The following RINT1 variants were observed in gnomAD, a reference collection of about 807,000 sequenced individuals.
RINT1 encodes the protein RAD50 interactor 1, also known as RAD50-interacting protein 1.
In RINT1, 75 loss-of-function variants were observed where a neutral mutation model predicts 97.7. That is an observed-to-expected ratio of 0.77 (90% CI 0.64 to 0.93). The LOEUF (loss-of-function observed/expected upper bound fraction) is 0.93. RINT1 is among the 40% of genes least tolerant of loss of function. RINT1 has a pLI of 0.00. For missense variants in RINT1, 892 were observed against 925.2 expected (o/e 0.96, Z 0.47); for synonymous variants, 303 against 326.3 (o/e 0.93, Z 0.77).
chr7:105,549,888 A>T (rs1033195249), intron 7 of RINT1, among the ~76,000 whole-genome samples, 167 bp from the exon 8 acceptor site: 1 of 152,208 alleles, frequency 6.6e-6, no homozygotes, highest in Non-Finnish European at 1.5e-5. Flanking sequence ...TTTGATTATT[A>T]AGCCTTGCAG....
At chr7:105,560,944 C>T (rs531602411) in intron 11 of RINT1, among the ~76,000 whole-genome samples, 1 of 152,106 alleles carries the variant, frequency 6.6e-6, no homozygotes, top group Admixed American at 6.5e-5. Context: ...TGATCTCGAA[C>T]CTCAGACCTC....
intron 11 of RINT1, among the ~76,000 whole-genome samples, chr7:105,555,952 T>C (rs1791159484): frequency 6.6e-6 from 1 of 152,208 alleles, no homozygotes; most frequent in South Asian, 2.1e-4. Context: ...AGTGAGACCC[T>C]GTCTCTACAA....
At chr7:105,534,785 G>C (rs938196504) in intron 2 of RINT1, among the ~76,000 whole-genome samples, 3 of 151,932 alleles carry the variant, frequency 2.0e-5, no homozygotes, top group African/African-American at 4.8e-5. Flanking sequence ...ACAGGAAAGG[G>C]GGAAAAGGTC....
At chr7:105,563,689 TAAAA>T (rs141382811) in intron 11 of RINT1, 40 bp from the exon 12 acceptor site, 1 of 1,473,934 alleles carries the variant, frequency 6.8e-7, no homozygotes, top group South Asian at 1.2e-5. Context: ...TTCAAACTGT[TAAAA>T]AAAAAGTATG....
At chr7:105,560,404 A>G (rs1181105985) in intron 11 of RINT1, among the ~76,000 whole-genome samples, 3 of 152,168 alleles carry the variant, frequency 2.0e-5, no homozygotes, top group African/African-American at 7.2e-5. Flanking sequence ...AAAAGTTGCC[A>G]TGTAAAAGTA....
chr7:105,537,910 T>A (rs1330699935), intron 3 of RINT1, among the ~76,000 whole-genome samples: 2 of 152,150 alleles, frequency 1.3e-5, no homozygotes, highest in Non-Finnish European at 2.9e-5. Flanking sequence ...AATAATTTTT[T>A]AAAAACCCAA....
chr7:105,548,491 A>C, intron 6 of RINT1, 63 bp from the exon 7 acceptor site: 1 of 1,506,404 alleles, frequency 6.6e-7, no homozygotes, highest in Non-Finnish European at 9.2e-7. Context: ...GTGTGTATAC[A>C]TACATATGTG....
At chr7:105,548,409 T>C (rs1790769970) in intron 6 of RINT1, 145 bp from the exon 7 acceptor site, 1 of 674,444 alleles carries the variant, frequency 1.5e-6, no homozygotes, top group Non-Finnish European at 2.6e-6. Context: ...AATATAAAAT[T>C]AGGTTACATA....
At chr7:105,564,645 C>T (rs961676556) in intron 12 of RINT1, among the ~76,000 whole-genome samples, 4 of 152,142 alleles carry the variant, frequency 2.6e-5, no homozygotes, top group South Asian at 2.1e-4. Flanking sequence ...GCTTAAAATT[C>T]GTTTATTAGT....
intron 11 of RINT1, among the ~76,000 whole-genome samples, chr7:105,559,568 A>AT (rs1791345315): frequency 7.8e-6 from 1 of 127,582 alleles, no homozygotes; most frequent in Admixed American, 8.0e-5. Flanking sequence ...AAAAAAAAAA[A>AT]GAAAAAGCCA....
At chr7:105,551,269 G>T (rs1286317254) in intron 9 of RINT1, among the ~76,000 whole-genome samples, 1 of 152,114 alleles carries the variant, frequency 6.6e-6, no homozygotes, top group Non-Finnish European at 1.5e-5. Context: ...CTAGACTCAA[G>T]CAATCCACCC....
Position 105,567,200 on chromosome 7 carries a change from G to A in RINT1, c.2268G>A (p.Gly756=), listed in dbSNP as rs1056894357. The change falls in exon 15 of 15, where the codon GGG becomes GGA. Residue 756 remains glycine (G), a synonymous_variant. Coordinates refer to ENST00000257700, the MANE Select transcript of RINT1 (RefSeq NM_021930.6). ...LLKDVLQSAS[G]QLPATAALNE... is the part of the protein sequence containing the mutation. Reference sequence around the variant, plus strand: ...AAGATGTACTGCAGTCAGCTTCAGGGCAGCTTCCTGCCACAGCAGCATTAA... The same window carrying A: ...AAGATGTACTGCAGTCAGCTTCAGGACAGCTTCCTGCCACAGCAGCATTAA... 1.9e-6 allele frequency: 3 copies of A among 1,612,940 alleles called. No homozygotes were observed. Among genetic ancestry groups the A allele is most frequent in the Non-Finnish European group, 2.5e-6 (3 of 1,179,700 alleles).
intron 10 of RINT1, among the ~76,000 whole-genome samples, chr7:105,554,329 G>T (rs966802416): frequency 6.6e-6 from 1 of 152,084 alleles, no homozygotes; most frequent in Non-Finnish European, 1.5e-5. Flanking sequence ...CACCGTGCCC[G>T]GCCAACTGCC....
chr7:105,566,887 G>A (rs894564592), intron 14 of RINT1: 9 of 296,340 alleles, frequency 3.0e-5, no homozygotes, highest in African/African-American at 1.5e-4. Context: ...GGGAAATAAC[G>A]GATACATATT....
intron 11 of RINT1, among the ~76,000 whole-genome samples, chr7:105,562,176 A>G (rs929989356): frequency 6.6e-6 from 1 of 152,228 alleles, no homozygotes; most frequent in Non-Finnish European, 1.5e-5. Flanking sequence ...GTTCCATTTC[A>G]GAATAGTTTA....
intron 4 of RINT1, among the ~76,000 whole-genome samples, chr7:105,544,386 CT>C (rs542952322): frequency 6.6e-4 from 100 of 151,408 alleles, no homozygotes; most frequent in Non-Finnish European, 1.2e-3. Context: ...TATTGATAAA[CT>C]TTTCTTTTTT....
intron 6 of RINT1, 106 bp from the exon 7 acceptor site, chr7:105,548,448 G>A (rs1035332317): frequency 3.2e-6 from 3 of 934,088 alleles, no homozygotes; most frequent in African/African-American, 3.2e-5. Flanking sequence ...ACTCTACTGA[G>A]TATCTGATAC....
chr7:105,539,846 C>T (rs1455526957), intron 3 of RINT1, among the ~76,000 whole-genome samples: 1 of 151,938 alleles, frequency 6.6e-6, no homozygotes, highest in African/African-American at 2.4e-5. Flanking sequence ...TGCATTAATC[C>T]CACTGTTGAA....
At position 105,547,325 on chromosome 7, in the gene RINT1, A is replaced by G. The variant is rs761957617; in HGVS notation, c.831A>G (p.Leu277=). The part of the protein sequence containing the change: ...LETLFCQLLK[L]QTSDELLTEP... Reference sequence around the variant, plus strand: ...CACTGTTTTGTCAGCTTTTGAAACTACAAACCTCGTATCTTTGTTGCAGCT... The same window carrying G: ...CACTGTTTTGTCAGCTTTTGAAACTGCAAACCTCGTATCTTTGTTGCAGCT... The change falls in exon 6 of 15, where the codon CTA becomes CTG. Residue 277 remains leucine, a synonymous_variant. Transcript: ENST00000257700. 1.2e-6 allele frequency: 2 copies of G among 1,614,118 alleles called. No individual in the cohort carries two copies. Among genetic ancestry groups the G allele is most frequent in the East Asian group, 2.2e-5 (1 of 44,890 alleles).
Sources: allele counts gnomAD v4.1 joint callset (sites outside exome capture counted in the v4.1 genomes callset), GRCh38; gene constraint gnomAD v4.1.1; transcripts MANE v1.5; gene names NCBI Gene and HGNC (gene_info 2026-07-23, HGNC 2026-07-21).